Variants in PKLR observed in about 807,000 individuals in gnomAD.
The protein encoded by PKLR is pyruvate kinase L/R.
In PKLR, 38 loss-of-function variants were observed where a neutral mutation model predicts 53.6. The observed-to-expected ratio is 0.71, with a 90% CI of 0.55 to 0.93. PKLR has a LOEUF of 0.93. Ranked by LOEUF, PKLR falls within the 40% of genes least tolerant of loss-of-function variation. PKLR has a pLI of 0.00. For synonymous variants in PKLR, 328 were observed against 316.2 expected, an observed-to-expected ratio of 1.04 and a Z score of -0.39; for missense variants, 702 against 787.3, an observed-to-expected ratio of 0.89 and a Z score of 1.30.
intron 9 of PKLR, among the ~76,000 whole-genome samples, chr1:155,292,738 A>G (rs1412680912): frequency 6.6e-6 from 1 of 152,190 alleles, no homozygotes; most frequent in Non-Finnish European, 1.5e-5. Context: ...GATATTAAGT[A>G]CTATCTAGTA....
In PKLR at chr1:155,294,629, C is replaced by T. The variant is rs141393570; in HGVS notation, c.818G>A (p.Arg273His). 1.4e-5 allele frequency: 22 copies of T among 1,614,196 alleles called. No homozygotes were observed. The African/African-American group carries it at 2.4e-4, about 18-fold the overall frequency. Reference protein sequence around the residue: ...GLSEQDVRDLRFGVEHGVDIV... With the variant: ...GLSEQDVRDLHFGVEHGVDIV... The stretch of plus-strand genomic sequence containing the variant: ...GTCCACCCCATGCTCCACCCCGAAG[C>T]GCAGGTCTCGGACGTCCTGCTCGGA... The change falls in exon 6 of 11, where the codon CGC becomes CAC. Residue 273 changes from arginine (R) to histidine (H), a missense_variant. Physicochemically the swap from Arg to His is conservative, Grantham distance 29. Transcript: ENST00000342741.
rs762320269 is a variant in PKLR, at chr1:155,295,334, T to C, written c.508-32A>G. ...AGGGAGCCAGAGGAGATGTGAGTTC[T>C]GAGCCCCGGAGTCCGGGACCCGCCC... is the stretch of plus-strand genomic sequence containing the variant. On this transcript the variant is annotated intron_variant, in intron 4 of 10. Coordinates refer to ENST00000342741, the MANE Select transcript of PKLR (RefSeq NM_000298.6). This position sits in a 1 kb window ranked among gnomAD's most constrained non-coding sequence, Gnocchi z 4.3. 1.2e-6 allele frequency: 2 copies of C among 1,613,544 alleles called. No individual in the cohort carries two copies. The highest frequency in any genetic ancestry group is 1.1e-5 in the South Asian group (1 of 91,076).
chr1:155,294,977 G>A, intron 5 of PKLR, 139 bp downstream of exon 5: 1 of 1,092,508 alleles, frequency 9.2e-7, no homozygotes, highest in South Asian at 1.3e-5. Flanking sequence ...GAGTCTACAC[G>A]CTGGGGACTC....
intron 2 of PKLR, among the ~76,000 whole-genome samples, chr1:155,299,514 T>G (rs1399583297): frequency 7.2e-5 from 10 of 138,360 alleles, no homozygotes; most frequent in African/African-American, 2.8e-4. Flanking sequence ...TTTTTTTTTT[T>G]TTTTTTTGTG....
intron 1 of PKLR, chr1:155,300,752 C>T (rs1647946802): frequency 1.9e-6 from 2 of 1,049,036 alleles, no homozygotes; most frequent in Non-Finnish European, 2.9e-6. Context: ...CCTTCCAACC[C>T]CTGGCTACTG....
rs1352383794 is a variant in PKLR, at chr1:155,295,430, T to G, written c.507+7A>C. On this transcript the variant is annotated splice_region_variant and intron_variant, in intron 4 of 10. Coordinates refer to ENST00000342741, the MANE Select transcript of PKLR (RefSeq NM_000298.6). The surrounding 1 kb of genome is among the most constrained non-coding windows in gnomAD (Gnocchi z 4.3). The stretch of plus-strand genomic sequence containing the variant: ...CTGGCCCAGCGAGTCCCAGCCCCAC[T>G]GCTCACCCCCTGCAGGATCCCAGTG... 1 of 1,610,778 alleles carries G rather than the reference T, an allele frequency of 6.2e-7. No homozygotes were observed.
chr1:155,289,405 G>A lies in PKLR; in HGVS notation c.*1167C>T, dbSNP rs1340178411. On this transcript the variant is annotated 3_prime_UTR_variant, in exon 11 of 11. Transcript: ENST00000342741. ...CTCCTTTTCAGGTAAGGAGACAGGA[G>A]GAGTAGGAGGAGGCAGGGCCTCTCC... 6.6e-6 allele frequency: 1 copy of A among 152,218 alleles called. No individual in the cohort carries two copies. The highest frequency in any genetic ancestry group is 1.5e-5 in the Non-Finnish European group (1 of 68,048). The allele number at this position is 152,218 out of a possible 1,614,324, so 9.4% of individuals were successfully genotyped here. A position where few individuals can be genotyped will look rare whatever the true frequency, so the allele number is the denominator to read the frequency against.
At chr1:155,292,754 TA>T (rs1299173916) in intron 9 of PKLR, among the ~76,000 whole-genome samples, 1 of 152,230 alleles carries the variant, frequency 6.6e-6, no homozygotes, top group East Asian at 1.9e-4. Flanking sequence ...TAGTACTTAA[TA>T]TCTCCTGTTA....
chr1:155,293,159 TC>T lies in PKLR; in HGVS notation c.1436+17del. 6.2e-7 allele frequency: 1 copy of T among 1,613,718 alleles called. No individual in the cohort carries two copies. The highest frequency in any genetic ancestry group is 1.7e-5 in the Admixed American group (1 of 60,000). ...CTGACCCAAAGCTCCATCTGGACATTCCCAATATCCCCCTCACCGGCCAGTT... is the reference window on the plus strand; with the variant it reads ...CTGACCCAAAGCTCCATCTGGACATTCCAATATCCCCCTCACCGGCCAGTT... On this transcript the variant is annotated intron_variant, in intron 9 of 10. Transcript: ENST00000342741. This position sits in a 1 kb window ranked among gnomAD's most constrained non-coding sequence, Gnocchi z 4.2.
At position 155,300,778 on chromosome 1, in the gene PKLR, C is replaced by T. The variant is rs1053209082; in HGVS notation, c.101-498G>A. On this transcript the variant is annotated intron_variant, in intron 1 of 10. Coordinates refer to ENST00000342741, the MANE Select transcript of PKLR (RefSeq NM_000298.6). ...CTGGCTACTGGCTGGCTTCCCCACC[C>T]CATCCTCTGAGTCTCCCCAGGCTTC... The T allele has an allele frequency of 1.2e-5, 17 of 1,372,508 alleles. No individual in the cohort carries two copies. The South Asian group carries it at 2.0e-4, about 16-fold the overall frequency. 85.0% of individuals were successfully genotyped at this position (1,372,508 alleles called of 1,614,324 possible). A position where few individuals can be genotyped will look rare whatever the true frequency, so the allele number is the denominator to read the frequency against.
intron 2 of PKLR, among the ~76,000 whole-genome samples, chr1:155,299,880 C>A (rs182876275): frequency 1.4e-4 from 21 of 152,288 alleles, no homozygotes; most frequent in African/African-American, 4.6e-4. Context: ...TCATACTCAG[C>A]TAGACTGTCA....
chr1:155,295,435 A>G lies in PKLR; in HGVS notation c.507+2T>C. ...CCAGCGAGTCCCAGCCCCACTGCTCACCCCCTGCAGGATCCCAGTGCGGAT... is the reference window on the plus strand; with the variant it reads ...CCAGCGAGTCCCAGCCCCACTGCTCGCCCCCTGCAGGATCCCAGTGCGGAT... On this transcript the variant is annotated splice_donor_variant, in intron 4 of 10. Transcript: ENST00000342741. LOFTEE classifies it high-confidence loss of function. This position sits in a 1 kb window ranked among gnomAD's most constrained non-coding sequence, Gnocchi z 4.3. 6.2e-7 allele frequency: 1 copy of G among 1,609,706 alleles called. No individual in the cohort carries two copies. Among genetic ancestry groups the G allele is most frequent in the Non-Finnish European group, 8.5e-7 (1 of 1,178,114 alleles).
chr1:155,298,212 T>G (rs1451976950), intron 2 of PKLR, among the ~76,000 whole-genome samples: 2 of 152,104 alleles, frequency 1.3e-5, no homozygotes, highest in Admixed American at 1.3e-4. Flanking sequence ...ATTTTTGTAT[T>G]TTTATTAGAG....
upstream of PKLR, chr1:155,301,543 G>A (rs8177960): frequency 8.4e-3 from 8,074 of 966,620 alleles, 49 homozygotes; most frequent in Non-Finnish European, 0.01. Context: ...CCCCCAGAAC[G>A]GCCTGCTCTC....
At chr1:155,298,998 CTTT>C (rs1557963099) in intron 2 of PKLR, among the ~76,000 whole-genome samples, 30 of 98,760 alleles carry the variant, frequency 3.0e-4, no homozygotes, top group African/African-American at 1.1e-4. Flanking sequence ...TTCTTTCTTT[CTTT>C]CTTTCTTTCT....
At chr1:155,308,080 G>A in the PKLR span, among the ~76,000 whole-genome samples, 1 of 144,634 alleles carries the variant, frequency 6.9e-6, no homozygotes, top group Non-Finnish European at 1.5e-5. Flanking sequence ...TTTTTGAGAC[G>A]GAGTCTTGCT....
Position 155,293,391 on chromosome 1 carries a change from A to T in PKLR, c.1269+47T>A. The T allele has an allele frequency of 6.2e-7, 1 of 1,614,178 alleles. No individual in the cohort carries two copies. Among genetic ancestry groups the T allele is most frequent in the Non-Finnish European group, 8.5e-7 (1 of 1,180,020 alleles). On this transcript the variant is annotated intron_variant, in intron 8 of 10. Transcript: ENST00000342741. The surrounding 1 kb of genome is among the most constrained non-coding windows in gnomAD (Gnocchi z 4.2). ...CTGGGAAGGGGCACTGGGGTATGGA[A>T]GGGATTTGGTTCCCTGGCCCATTTG... is the stretch of plus-strand genomic sequence containing the variant.
chr1:155,294,703 G>C lies in PKLR; in HGVS notation c.744C>G (p.Ser248Arg). ...CCCCTGGCAAGTTCACGCCCTTCCG[G>C]CTGCCCAGGACGCCGCCGTTCTCCA... ...TQVENGGVLG[S>R]RKGVNLPGAQ... The change falls in exon 6 of 11, where the codon AGC becomes AGG. Residue 248 changes from serine (S) to arginine (R), a missense_variant. Transcript: ENST00000342741. The C allele has an allele frequency of 1.2e-6, 2 of 1,613,858 alleles. No individual in the cohort carries two copies. The highest frequency in any genetic ancestry group is 1.7e-6 in the Non-Finnish European group (2 of 1,180,010).
chr1:155,299,491 C>CTTTTTTTTTTTTTTTTTTTTT (rs35869567), intron 2 of PKLR, among the ~76,000 whole-genome samples: 5 of 42,710 alleles, frequency 1.2e-4, no homozygotes, highest in African/African-American at 3.1e-4. Context: ...GCCCAGCCCA[C>CTTTTTTTTTTTTTTTTTTTTT]TTTTTTTTTT....
Sources: gnomAD v4.1 joint callset for allele counts (sites outside exome capture counted in the v4.1 genomes callset) on GRCh38, gnomAD v4.1.1 for gene constraint, Gnocchi (gnomAD v3.1) non-coding constraint, MANE v1.5 for transcripts, NCBI Gene and HGNC (gene_info 2026-07-23, HGNC 2026-07-21) for gene names.